Variants in TLN2 observed in about 807,000 individuals in gnomAD.
The protein encoded by TLN2 is talin-2.
Under a neutral mutation model 294.7 loss-of-function variants are expected in TLN2, and 118 were observed. That is an observed-to-expected ratio of 0.40 (90% confidence interval 0.34 to 0.47). The LOEUF is 0.47. Among genes scored for constraint, TLN2 ranks in the 20% least tolerant of loss-of-function variants. TLN2 has a pLI of 0.84. For missense variants in TLN2, 3,083 were observed against 3,282.2 expected, an observed-to-expected ratio of 0.94 and a Z score of 1.48; for synonymous variants, 1,431 against 1,304.5, an observed-to-expected ratio of 1.10 and a Z score of -2.09.
chr15:62,531,940 C>T (rs867669906), intron 1 of TLN2, among the ~76,000 whole-genome samples: 12 of 152,172 alleles, frequency 7.9e-5, no homozygotes, highest in Admixed American at 2.6e-4. Context: ...CTTGTTGTTA[C>T]GTGTGGGTGT....
intron 11 of TLN2, among the ~76,000 whole-genome samples, chr15:62,684,276 A>G (rs1567344168): frequency 6.6e-6 from 1 of 152,094 alleles, no homozygotes; most frequent in African/African-American, 2.4e-5. Flanking sequence ...GCAGCTGCAA[A>G]CCATATTTTA....
chr15:62,825,768 TATTATATA>T (rs1286156830), intron 54 of TLN2, among the ~76,000 whole-genome samples: 3 of 35,666 alleles, frequency 8.4e-5, no homozygotes, highest in African/African-American at 1.2e-4. Flanking sequence ...TATAATTATA[TATTATATA>T]ATATATTATA....
At chr15:62,765,538 C>T (rs1335381498) in intron 40 of TLN2, among the ~76,000 whole-genome samples, 1 of 152,062 alleles carries the variant, frequency 6.6e-6, no homozygotes, top group Admixed American at 6.5e-5. Context: ...ACGCCCAGTG[C>T]ACTGATGCAT....
At chr15:62,655,794 A>G in intron 7 of TLN2, 150 bp from the exon 8 acceptor site, 1 of 979,142 alleles carries the variant, frequency 1.0e-6, no homozygotes, top group South Asian at 2.0e-5. Flanking sequence ...AAAGCTTAAA[A>G]ACCATAGTTC....
intron 11 of TLN2, among the ~76,000 whole-genome samples, chr15:62,679,633 G>A (rs554414904): frequency 6.6e-6 from 1 of 152,324 alleles, no homozygotes; most frequent in Admixed American, 6.5e-5. Flanking sequence ...GGGGAATGAT[G>A]GCTAAAGGGT....
chr15:62,602,037 C>T (rs758235382), intron 2 of TLN2, among the ~76,000 whole-genome samples: 2 of 152,118 alleles, frequency 1.3e-5, no homozygotes, highest in Non-Finnish European at 2.9e-5. Context: ...TCTGCCAGTT[C>T]GTCAAGGAGC....
intron 45 of TLN2, among the ~76,000 whole-genome samples, 160 bp from the exon 46 acceptor site, chr15:62,792,481 C>A (rs1049171085): frequency 2.6e-5 from 4 of 151,642 alleles, no homozygotes; most frequent in Admixed American, 2.0e-4. Flanking sequence ...GAAGCAAAAT[C>A]AACCAAATTC....
rs1596187828 is a variant in TLN2, at chr15:62,833,421, G to T, written c.7003-83G>T. On this transcript the variant is annotated intron_variant, in intron 54 of 58. Transcript: ENST00000636159. The stretch of plus-strand genomic sequence containing the variant: ...AAAACAATAGGCAGGTGAAGAGCCA[G>T]GTGACCCGGCAGTAAGTAGTTTGGA... 4 of 1,553,084 alleles carry T rather than the reference G, an allele frequency of 2.6e-6. No individual in the cohort carries two copies. In the South Asian group the frequency reaches 4.9e-5, roughly 19 times the overall value.
chr15:62,430,373 T>C (rs930868378), intron 1 of TLN2, among the ~76,000 whole-genome samples: 2 of 152,232 alleles, frequency 1.3e-5, no homozygotes, highest in African/African-American at 4.8e-5. Flanking sequence ...CAAAAACAAT[T>C]ACAACTGTTA....
chr15:62,652,432 A>G (rs556502626), intron 6 of TLN2, among the ~76,000 whole-genome samples: 1 of 152,280 alleles, frequency 6.6e-6, no homozygotes, highest in African/African-American at 2.4e-5. Flanking sequence ...ATTCTATATG[A>G]GCACTCTAGA....
At chr15:62,765,022 C>T (rs916583383) in intron 40 of TLN2, among the ~76,000 whole-genome samples, 8 of 150,342 alleles carry the variant, frequency 5.3e-5, no homozygotes, top group African/African-American at 1.7e-4. Context: ...CCCAGAAGCC[C>T]CCCTCATCCC....
intron 1 of TLN2, among the ~76,000 whole-genome samples, chr15:62,462,038 T>C (rs186870754): frequency 6.6e-6 from 1 of 152,286 alleles, no homozygotes; most frequent in African/African-American, 2.4e-5. Context: ...CTGGCCGATA[T>C]GGTGAAACCC....
intron 9 of TLN2, among the ~76,000 whole-genome samples, chr15:62,665,584 G>A (rs570178041): frequency 6.6e-6 from 1 of 152,238 alleles, no homozygotes; most frequent in South Asian, 2.1e-4. Context: ...GACTCTCACA[G>A]CCCCGCTTCC....
intron 1 of TLN2, among the ~76,000 whole-genome samples, chr15:62,429,825 G>A (rs1462604323): frequency 2.6e-5 from 4 of 152,072 alleles, no homozygotes; most frequent in Admixed American, 1.3e-4. Flanking sequence ...AGTTTCCTTG[G>A]CAAAGATTAT....
At chr15:62,603,941 C>T (rs1408105893) in intron 2 of TLN2, among the ~76,000 whole-genome samples, 2 of 152,154 alleles carry the variant, frequency 1.3e-5, no homozygotes, top group Non-Finnish European at 2.9e-5. Context: ...AGGCTACTGC[C>T]TATGTTGCAG....
At chr15:62,653,449 G>C (rs2052829753) in intron 7 of TLN2, 135 bp downstream of exon 7, 2 of 1,085,676 alleles carry the variant, frequency 1.8e-6, no homozygotes, top group South Asian at 2.2e-5. Context: ...AAGTAGGCTG[G>C]GCTCAGTGGC....
At position 62,525,717 on chromosome 15, in the gene TLN2, G is replaced by T. The variant is rs754356501; in HGVS notation, c.-237-63970G>T. Reference sequence around the variant, plus strand: ...TTATAGAAAATAGGACATTTGCTTAGACTTGTGGGTCATTCTGTCTGTAAG... The same window carrying T: ...TTATAGAAAATAGGACATTTGCTTATACTTGTGGGTCATTCTGTCTGTAAG... On this transcript the variant is annotated intron_variant, in intron 1 of 58. Transcript: ENST00000636159. Among the ~76,000 whole-genome samples, 3 of 152,158 alleles carry T rather than the reference G, an allele frequency of 2.0e-5. No homozygotes were observed. The East Asian group carries it at 5.8e-4, about 29-fold the overall frequency.
At chr15:62,785,841 T>G (rs1426627389) in intron 45 of TLN2, among the ~76,000 whole-genome samples, 1 of 149,112 alleles carries the variant, frequency 6.7e-6, no homozygotes, top group South Asian at 2.1e-4. Context: ...AACAAGCAGA[T>G]TTTTTTTTTA....
intron 1 of TLN2, among the ~76,000 whole-genome samples, chr15:62,414,302 C>T (rs1323131560): frequency 7.4e-6 from 1 of 135,628 alleles, no homozygotes; most frequent in Non-Finnish European, 1.5e-5. Context: ...GCTTTGATTT[C>T]AGTGGTAGAG....
Sources: gnomAD v4.1 joint callset for allele counts (sites outside exome capture counted in the v4.1 genomes callset) on GRCh38, gnomAD v4.1.1 for gene constraint, MANE v1.5 for transcripts, NCBI Gene and HGNC (gene_info 2026-07-23, HGNC 2026-07-21) for gene names.